The following IRAK1BP1 variants were observed in gnomAD, a reference collection of about 807,000 sequenced individuals.
The protein encoded by IRAK1BP1 is interleukin 1 receptor associated kinase 1 binding protein 1, also known as interleukin-1 receptor-associated kinase 1-binding protein 1.
IRAK1BP1 carries 24 observed loss-of-function variants against 28.0 expected under a neutral mutation model. That is an observed-to-expected ratio of 0.86 (90% CI 0.62 to 1.20). The LOEUF is 1.20. IRAK1BP1 is among the 50% of genes most tolerant of loss of function. The pLI, the probability that IRAK1BP1 is intolerant of heterozygous loss-of-function variation, is 0.00. For synonymous variants in IRAK1BP1, 131 were observed against 116.3 expected (o/e 1.13, Z -0.81); for missense variants, 336 against 316.7 (o/e 1.06, Z -0.46).
At chr6:78,928,770 A>G (rs1047068687) in intron 4 of IRAK1BP1, among the ~76,000 whole-genome samples, 14 of 152,302 alleles carry the variant, frequency 9.2e-5, no homozygotes, top group Middle Eastern at 6.8e-3. Flanking sequence ...ATCAATTGAA[A>G]TGATCATATG....
rs1439435005 is a variant in IRAK1BP1, at chr6:78,921,436, C to T, written c.*67+18326C>T. Among the ~76,000 whole-genome samples, 5 of 152,364 alleles carry T rather than the reference C, an allele frequency of 3.3e-5. No homozygotes were observed. In the South Asian group the frequency reaches 1.0e-3, roughly 32 times the overall value. ...AAACAAAGCAACCGGGAAGCTCGAA[C>T]TGGGTGGAGCCCACGGCAGCTCAAG... On this transcript the variant is annotated intron_variant and NMD_transcript_variant, in intron 4 of 4. Transcript: ENST00000606868.
At chr6:78,966,660 T>G in the IRAK1BP1 span, among the ~76,000 whole-genome samples, 1 of 152,240 alleles carries the variant, frequency 6.6e-6, no homozygotes, top group Non-Finnish European at 1.5e-5. Flanking sequence ...CTTATCCAAT[T>G]GCTGTCGTCG....
chr6:78,938,999 CT>C (rs1482874691), intron 4 of IRAK1BP1: 1 of 151,664 alleles, frequency 6.6e-6, no homozygotes, highest in Non-Finnish European at 1.5e-5. Flanking sequence ...CCCATCCTCA[CT>C]TTTTAAAAAT....
At chr6:78,972,566 G>C in the IRAK1BP1 span, among the ~76,000 whole-genome samples, 1 of 152,154 alleles carries the variant, frequency 6.6e-6, no homozygotes, top group African/African-American at 2.4e-5. Context: ...GGCTTCAGAC[G>C]ATCAAATTAC....
chr6:78,941,108 T>C, intron 4 of IRAK1BP1: 1 of 1,613,838 alleles, frequency 6.2e-7, no homozygotes, highest in Non-Finnish European at 8.5e-7. Context: ...AAGTACTTCA[T>C]CTCTGATGGG....
intron 4 of IRAK1BP1, among the ~76,000 whole-genome samples, chr6:78,935,159 T>C (rs950361846): frequency 3.9e-5 from 6 of 152,180 alleles, no homozygotes; most frequent in African/African-American, 7.2e-5. Flanking sequence ...AAGTATATAC[T>C]AGGTATTGTT....
At chr6:78,952,602 CTCTT>C in the IRAK1BP1 span, among the ~76,000 whole-genome samples, 7 of 152,068 alleles carry the variant, frequency 4.6e-5, no homozygotes, top group South Asian at 6.2e-4. Flanking sequence ...CACTCTTAAT[CTCTT>C]TATCATTCTG....
Position 78,885,420 on chromosome 6 carries a change from A to C in IRAK1BP1, c.358A>C (p.Asn120His), listed in dbSNP as rs1046669065. The change falls in exon 2 of 4, where the codon AAT becomes CAT. Residue 120 changes from asparagine to histidine, a missense_variant. Coordinates refer to ENST00000369940, the MANE Select transcript of IRAK1BP1 (RefSeq NM_001010844.4). ...GACAAAGGATTTTAGGAGAGTGGAA[A>C]ATGCTTATCACATGGAAGCAGAGGT... ...TVTKDFRRVE[N>H]AYHMEAEVCI... 1 of 1,573,702 alleles carries C rather than the reference A, an allele frequency of 6.4e-7. No homozygotes were observed. Among genetic ancestry groups the C allele is most frequent in the East Asian group, 2.3e-5 (1 of 43,990 alleles).
the IRAK1BP1 span, among the ~76,000 whole-genome samples, chr6:78,971,135 C>T: frequency 5.3e-5 from 8 of 152,128 alleles, no homozygotes; most frequent in African/African-American, 1.9e-4. Context: ...CTGGTTTCAC[C>T]ATTTTATTCT....
downstream of IRAK1BP1, among the ~76,000 whole-genome samples, chr6:78,951,182 A>G (rs1774121664): frequency 6.6e-6 from 1 of 152,166 alleles, no homozygotes; most frequent in Non-Finnish European, 1.5e-5. Flanking sequence ...GGATTTGGGC[A>G]AAATATAAAA....
exon 5 of IRAK1BP1, chr6:78,946,422 T>C (rs1386614039): frequency 7.1e-7 from 1 of 1,405,708 alleles, no homozygotes; most frequent in Admixed American, 3.0e-5. Flanking sequence ...AAAGTGAATA[T>C]TTAGTGAAGG....
chr6:78,880,503 G>T (rs1771188567), intron 1 of IRAK1BP1, among the ~76,000 whole-genome samples: 1 of 150,424 alleles, frequency 6.6e-6, no homozygotes, highest in South Asian at 2.1e-4. Flanking sequence ...GAAAAACATT[G>T]TTAAGAAAAT....
intron 4 of IRAK1BP1, among the ~76,000 whole-genome samples, chr6:78,921,688 T>A (rs1354634141): frequency 2.0e-5 from 3 of 152,196 alleles, no homozygotes; most frequent in Non-Finnish European, 4.4e-5. Context: ...AGGGGCAGAC[T>A]GACACCTCAC....
the IRAK1BP1 span, among the ~76,000 whole-genome samples, chr6:78,960,753 G>A: frequency 1.3e-5 from 2 of 152,040 alleles, no homozygotes; most frequent in Non-Finnish European, 2.9e-5. Context: ...CAACTAGGGG[G>A]CTGCTACTGG....
intron 1 of IRAK1BP1, among the ~76,000 whole-genome samples, chr6:78,881,690 T>C (rs1771235490): frequency 2.0e-5 from 3 of 152,132 alleles, no homozygotes; most frequent in African/African-American, 7.2e-5. Flanking sequence ...CTGGAAATTA[T>C]AAGGATGAAG....
At chr6:78,973,708 A>G in the IRAK1BP1 span, among the ~76,000 whole-genome samples, 3 of 151,852 alleles carry the variant, frequency 2.0e-5, no homozygotes, top group South Asian at 6.3e-4. Flanking sequence ...GGAAAACAAA[A>G]AAAGACAGGG....
chr6:78,895,062 C>T (rs1256375369), intron 2 of IRAK1BP1, among the ~76,000 whole-genome samples: 1 of 150,984 alleles, frequency 6.6e-6, no homozygotes, highest in Non-Finnish European at 1.5e-5. Flanking sequence ...GAGCCGAGAT[C>T]GTGCCATTGC....
chr6:78,968,247 TTACCTAC>T, the IRAK1BP1 span, among the ~76,000 whole-genome samples: 5 of 152,046 alleles, frequency 3.3e-5, no homozygotes, highest in Admixed American at 6.5e-5. Context: ...TTCATCTATT[TTACCTAC>T]TACTTCTTGA....
At chr6:78,896,746 A>C (rs985677000) in intron 2 of IRAK1BP1, among the ~76,000 whole-genome samples, 1 of 151,324 alleles carries the variant, frequency 6.6e-6, no homozygotes, top group Non-Finnish European at 1.5e-5. Flanking sequence ...GATCATCTGA[A>C]CCCAGGGGTT....
Sources: gnomAD v4.1 joint callset for allele counts (sites outside exome capture counted in the v4.1 genomes callset) on GRCh38, gnomAD v4.1.1 for gene constraint, MANE v1.5 for transcripts, NCBI Gene and HGNC (gene_info 2026-07-23, HGNC 2026-07-21) for gene names.